The following COMMD1 variants were observed in gnomAD, a reference collection of about 807,000 sequenced individuals.
COMMD1 encodes the protein COMM domain-containing protein 1.
In COMMD1, 10 loss-of-function variants were observed where a neutral mutation model predicts 17.2. The ratio of observed to expected loss-of-function variants is 0.58; its 90% CI spans 0.36 to 0.99. The LOEUF (loss-of-function observed/expected upper bound fraction) is 0.99, where lower values mean the gene tolerates loss of function less well. Ranked by LOEUF, COMMD1 falls within the 50% of genes least tolerant of loss-of-function variation. COMMD1 has a pLI of 0.01. For missense variants in COMMD1, 270 were observed against 231.8 expected, an observed-to-expected ratio of 1.17 and a Z score of -1.07; for synonymous variants, 97 against 91.6, an observed-to-expected ratio of 1.06 and a Z score of -0.34.
chr2:61,998,487 G>T (rs7582106), intron 1 of COMMD1, among the ~76,000 whole-genome samples: 18,691 of 151,880 alleles, frequency 0.12, 2,774 homozygotes, highest in African/African-American at 0.35. Context: ...CTCGAACTCC[G>T]GACCTCAAGT....
chr2:62,004,387 A>G (rs11687175), intron 2 of COMMD1, among the ~76,000 whole-genome samples: 18,940 of 152,024 alleles, frequency 0.12, 2,836 homozygotes, highest in African/African-American at 0.36. Context: ...TGCAGCCTCC[A>G]CCCTCCGAGT....
chr2:62,103,086 C>T (rs898710504), intron 2 of COMMD1, among the ~76,000 whole-genome samples: 2 of 151,716 alleles, frequency 1.3e-5, no homozygotes, highest in African/African-American at 4.8e-5. Context: ...TCAGGCCATT[C>T]TCCTGCCTCA....
intron 1 of COMMD1, among the ~76,000 whole-genome samples, chr2:61,916,452 A>G (rs1670053845): frequency 2.6e-5 from 4 of 151,664 alleles, no homozygotes; most frequent in African/African-American, 9.7e-5. Context: ...GATGAGGTCA[A>G]GCTCTGTTGA....
intron 1 of COMMD1, among the ~76,000 whole-genome samples, chr2:61,932,232 T>C (rs1349276773): frequency 6.6e-6 from 1 of 152,208 alleles, no homozygotes; most frequent in East Asian, 1.9e-4. Context: ...GTTCTTTGGA[T>C]AAAATGTATA....
chr2:62,118,106 A>G (rs1672653349), intron 2 of COMMD1: 1 of 152,230 alleles, frequency 6.6e-6, no homozygotes, highest in Admixed American at 6.5e-5. Flanking sequence ...GATTAGAAGT[A>G]TATCAAAGCC....
At chr2:62,103,315 C>T (rs1225992198) in intron 2 of COMMD1, among the ~76,000 whole-genome samples, 3 of 152,148 alleles carry the variant, frequency 2.0e-5, no homozygotes, top group African/African-American at 7.2e-5. Flanking sequence ...GTTTGTTGAA[C>T]CTACACACAA....
intron 1 of COMMD1, among the ~76,000 whole-genome samples, chr2:61,933,019 A>T (rs114630543): frequency 1.3e-5 from 2 of 151,992 alleles, no homozygotes; most frequent in East Asian, 1.9e-4. Flanking sequence ...GAAGGGTAGT[A>T]TATGTGGAGG....
intron 1 of COMMD1, among the ~76,000 whole-genome samples, chr2:61,977,646 T>C (rs1374543832): frequency 6.6e-6 from 1 of 152,166 alleles, no homozygotes; most frequent in Non-Finnish European, 1.5e-5. Flanking sequence ...GTATTATTGA[T>C]GTATTACTAC....
chr2:62,029,477 C>T (rs1455730641), intron 2 of COMMD1, among the ~76,000 whole-genome samples: 1 of 151,962 alleles, frequency 6.6e-6, no homozygotes, highest in Non-Finnish European at 1.5e-5. Context: ...ATTCCTATTA[C>T]CCAGCTTCAA....
chr2:61,985,526 G>C (rs769027422), intron 1 of COMMD1, among the ~76,000 whole-genome samples: 33 of 151,994 alleles, frequency 2.2e-4, no homozygotes, highest in Admixed American at 3.3e-4. Flanking sequence ...TTGTTTTCTG[G>C]TTGTTTTGTG....
intron 1 of COMMD1, among the ~76,000 whole-genome samples, chr2:61,907,413 C>T (rs1163343686): frequency 1.3e-5 from 2 of 152,092 alleles, no homozygotes; most frequent in Non-Finnish European, 2.9e-5. Context: ...CCAAATGCTT[C>T]CTATTTCTAT....
intron 1 of COMMD1, among the ~76,000 whole-genome samples, chr2:61,957,494 C>T (rs1432321875): frequency 6.6e-6 from 1 of 152,010 alleles, no homozygotes; most frequent in Non-Finnish European, 1.5e-5. Context: ...GCCAAAGATG[C>T]TTAACTCAGT....
intron 2 of COMMD1, among the ~76,000 whole-genome samples, chr2:62,035,900 A>G (rs1670025112): frequency 6.6e-6 from 1 of 151,940 alleles, no homozygotes; most frequent in African/African-American, 2.4e-5. Flanking sequence ...AAAAAATACA[A>G]AAAATTAGCC....
At chr2:62,094,215 A>C (rs1460178927) in intron 2 of COMMD1, among the ~76,000 whole-genome samples, 1 of 152,152 alleles carries the variant, frequency 6.6e-6, no homozygotes, top group East Asian at 1.9e-4. Flanking sequence ...AGTGCTTTAA[A>C]ATGATGTTGG....
chr2:62,028,060 A>G (rs539214509), intron 2 of COMMD1, among the ~76,000 whole-genome samples: 21 of 152,324 alleles, frequency 1.4e-4, no homozygotes, highest in African/African-American at 5.0e-4. Context: ...AGTGGAGTAG[A>G]AAGTCCTCTT....
intron 1 of COMMD1, among the ~76,000 whole-genome samples, chr2:61,920,128 C>T (rs1222763299): frequency 6.6e-6 from 1 of 152,092 alleles, no homozygotes; most frequent in East Asian, 1.9e-4. Context: ...TCTGTCTTTT[C>T]TCTTTTTCTT....
chr2:62,034,764 T>TTTGCCC (rs1669997354), intron 2 of COMMD1, among the ~76,000 whole-genome samples: 1 of 152,132 alleles, frequency 6.6e-6, no homozygotes, highest in Non-Finnish European at 1.5e-5. Flanking sequence ...CTGACTTGCC[T>TTTGCCC]TTGCCCTTTG....
intron 1 of COMMD1, among the ~76,000 whole-genome samples, chr2:61,947,486 C>T (rs1041091040): frequency 2.0e-5 from 3 of 151,902 alleles, no homozygotes; most frequent in African/African-American, 7.3e-5. Context: ...GAGTTTGAGA[C>T]CAGCCTGGCC....
intron 2 of COMMD1, among the ~76,000 whole-genome samples, chr2:62,102,954 T>G (rs545992986): frequency 6.6e-6 from 1 of 152,174 alleles, no homozygotes; most frequent in South Asian, 2.1e-4. Flanking sequence ...TAGACCCTTT[T>G]TATCCAATCA....
Sources: allele counts gnomAD v4.1 joint callset (sites outside exome capture counted in the v4.1 genomes callset), GRCh38; gene constraint gnomAD v4.1.1; transcripts MANE v1.5; gene names NCBI Gene and HGNC (gene_info 2026-07-23, HGNC 2026-07-21).